Variants in PEBP4 observed in about 807,000 individuals in gnomAD.
PEBP4 encodes phosphatidylethanolamine-binding protein 4.
A neutral mutation model predicts 23.9 loss-of-function variants in PEBP4; 22 were observed. The observed-to-expected ratio is 0.92, with a 90% CI of 0.66 to 1.31. The LOEUF is 1.31. Among genes scored for constraint, PEBP4 ranks in the 40% most tolerant of loss-of-function variants. The pLI, the probability that PEBP4 is intolerant of heterozygous loss-of-function variation, is 0.00. For missense variants in PEBP4, 324 were observed against 281.7 expected, an observed-to-expected ratio of 1.15 and a Z score of -1.07; for synonymous variants, 112 against 99.3, an observed-to-expected ratio of 1.13 and a Z score of -0.76.
intron 3 of PEBP4, among the ~76,000 whole-genome samples, chr8:22,876,938 A>G (rs2128771389): frequency 6.6e-6 from 1 of 152,358 alleles, no homozygotes; most frequent in Non-Finnish European, 1.5e-5. Flanking sequence ...TATCTTTAAA[A>G]TGAGGCTAAT....
At chr8:22,741,160 G>A (rs1291110288) in intron 4 of PEBP4, among the ~76,000 whole-genome samples, 2 of 152,162 alleles carry the variant, frequency 1.3e-5, no homozygotes, top group African/African-American at 4.8e-5. Flanking sequence ...CCAAGCAGGA[G>A]GCCAGCAGTC....
chr8:22,730,114 A>G (rs1356090150), intron 4 of PEBP4, among the ~76,000 whole-genome samples: 2 of 152,172 alleles, frequency 1.3e-5, no homozygotes, highest in East Asian at 3.8e-4. Flanking sequence ...TGACATCATG[A>G]CAATCCCATC....
At chr8:22,813,962 GA>G (rs1228848146) in intron 4 of PEBP4, among the ~76,000 whole-genome samples, 65 of 152,316 alleles carry the variant, frequency 4.3e-4, no homozygotes, top group Non-Finnish European at 8.8e-4. Context: ...GAAGCCCTGT[GA>G]GGGCAGAGCC....
chr8:22,934,637 G>C (rs1289122000), intron 1 of PEBP4, among the ~76,000 whole-genome samples: 1 of 152,140 alleles, frequency 6.6e-6, no homozygotes, highest in Non-Finnish European at 1.5e-5. Flanking sequence ...AGGAGTTTGA[G>C]GCCAGCCTGG....
At chr8:22,873,087 A>G (rs1317654705) in intron 3 of PEBP4, among the ~76,000 whole-genome samples, 2 of 152,176 alleles carry the variant, frequency 1.3e-5, no homozygotes, top group Non-Finnish European at 2.9e-5. Flanking sequence ...AACTGAGTAA[A>G]TTCTCACCAA....
At chr8:22,811,836 G>A (rs1483325489) in intron 4 of PEBP4, among the ~76,000 whole-genome samples, 1 of 152,268 alleles carries the variant, frequency 6.6e-6, no homozygotes, top group African/African-American at 2.4e-5. Context: ...GATGAGCTGT[G>A]TTGGGCACTG....
rs75298553 is a variant in PEBP4, at chr8:22,763,507, A to G, written c.358-36287T>C. 3.0e-3 allele frequency among the ~76,000 whole-genome samples: 464 copies of G among 152,224 alleles called. 4 individuals carry two copies. Among genetic ancestry groups the G allele is most frequent in the African/African-American group, 0.011 (444 of 41,542 alleles). ...TAGAGCGTGTAGCTTCGAATCTTGC[A>G]CTGCCACTTCCCGGATCTCTGACCT... On this transcript the variant is annotated intron_variant, in intron 4 of 6. Transcript: ENST00000256404.
At chr8:22,787,143 T>A (rs1465430933) in intron 4 of PEBP4, among the ~76,000 whole-genome samples, 2 of 152,134 alleles carry the variant, frequency 1.3e-5, no homozygotes, top group African/African-American at 4.8e-5. Flanking sequence ...TCCCTTCTAA[T>A]GGGGATTCTG....
At chr8:22,827,461 T>C (rs899331140) in intron 3 of PEBP4, among the ~76,000 whole-genome samples, 1 of 152,184 alleles carries the variant, frequency 6.6e-6, no homozygotes, top group African/African-American at 2.4e-5. Context: ...TTTTTGCCCT[T>C]CCTGGACATT....
At chr8:22,844,868 G>C (rs1180950586) in intron 3 of PEBP4, among the ~76,000 whole-genome samples, 1 of 152,300 alleles carries the variant, frequency 6.6e-6, no homozygotes, top group Non-Finnish European at 1.5e-5. Context: ...TTGACCTGGG[G>C]CAGCCAACCC....
chr8:22,772,493 CTTTTT>C (rs34489811), intron 4 of PEBP4, among the ~76,000 whole-genome samples: 8 of 121,620 alleles, frequency 6.6e-5, no homozygotes, highest in African/African-American at 1.2e-4. Context: ...CTCTCTCTCT[CTTTTT>C]TTTTTTTTTT....
chr8:22,906,395 G>A (rs1808813891), intron 3 of PEBP4, among the ~76,000 whole-genome samples: 1 of 152,200 alleles, frequency 6.6e-6, no homozygotes, highest in African/African-American at 2.4e-5. Flanking sequence ...GGTTTACTGA[G>A]CATCTACTAT....
In PEBP4 at chr8:22,745,128, C is replaced by T. The variant is rs148008951; in HGVS notation, c.358-17908G>A. On this transcript the variant is annotated intron_variant, in intron 4 of 6. Transcript: ENST00000256404. ...TTTGCTGGAATTTCTCTGGAGACTTCGGACTTGCTCAAGTTGGATGGAAAA... is the reference window on the plus strand; with the variant it reads ...TTTGCTGGAATTTCTCTGGAGACTTTGGACTTGCTCAAGTTGGATGGAAAA... Among the ~76,000 whole-genome samples, 3 of 152,274 alleles carry T rather than the reference C, an allele frequency of 2.0e-5. No homozygotes were observed. In the East Asian group the frequency reaches 5.8e-4, roughly 29 times the overall value.
chr8:22,724,261 C>T (rs1048925945), intron 6 of PEBP4, among the ~76,000 whole-genome samples: 1 of 152,100 alleles, frequency 6.6e-6, no homozygotes, highest in African/African-American at 2.4e-5. Flanking sequence ...GGCAGGAGGA[C>T]CGAGGCCAAG....
In PEBP4 at chr8:22,897,100, T is replaced by G. The variant is rs573514695; in HGVS notation, c.258+23084A>C. ...ACGGCTTAGCGTAGACATTGAGAGG[T>G]GGGAAAGATTTTTTTGAGGCATAGG... On this transcript the variant is annotated intron_variant, in intron 3 of 6. Coordinates refer to ENST00000256404, the MANE Select transcript of PEBP4 (RefSeq NM_144962.3). 2.6e-5 allele frequency among the ~76,000 whole-genome samples: 4 copies of G among 151,746 alleles called. No individual in the cohort carries two copies. The East Asian group carries it at 7.7e-4, about 29-fold the overall frequency.
intron 3 of PEBP4, among the ~76,000 whole-genome samples, chr8:22,876,854 AGAAAGGAGAACCT>A (rs1197106927): frequency 6.6e-6 from 1 of 152,214 alleles, no homozygotes; most frequent in Non-Finnish European, 1.5e-5. Flanking sequence ...TGTTCAGGGT[AGAAAGGAGAACCT>A]CTCCCTTAAC....
chr8:22,804,147 T>C (rs1030987630), intron 4 of PEBP4, among the ~76,000 whole-genome samples: 1 of 152,098 alleles, frequency 6.6e-6, no homozygotes, highest in Non-Finnish European at 1.5e-5. Context: ...CTGGGCAACA[T>C]AGTGGGGCCC....
intron 3 of PEBP4, among the ~76,000 whole-genome samples, chr8:22,899,015 C>T (rs1808654675): frequency 6.6e-6 from 1 of 152,162 alleles, no homozygotes; most frequent in African/African-American, 2.4e-5. Flanking sequence ...GTCCATTGTC[C>T]CAGACAGGCG....
At chr8:22,764,105 A>T (rs1805563112) in intron 4 of PEBP4, among the ~76,000 whole-genome samples, 1 of 152,214 alleles carries the variant, frequency 6.6e-6, no homozygotes, top group African/African-American at 2.4e-5. Context: ...AAAGAAATTT[A>T]CCAAGGATGA....
Sources: gnomAD v4.1 joint callset for allele counts (sites outside exome capture counted in the v4.1 genomes callset) on GRCh38, gnomAD v4.1.1 for gene constraint, MANE v1.5 for transcripts, NCBI Gene and HGNC (gene_info 2026-07-23, HGNC 2026-07-21) for gene names.